FLI1: variants seen among roughly 807,000 people sequenced by gnomAD.
FLI1 encodes the protein Friend leukemia integration 1 transcription factor.
In FLI1, 13 loss-of-function variants were observed where a neutral mutation model predicts 53.1. That is an observed-to-expected ratio of 0.24 (90% CI 0.16 to 0.39). The LOEUF is 0.39. Ranked by LOEUF, FLI1 falls within the 10% of genes least tolerant of loss-of-function variation. The pLI is 1.00. For missense variants in FLI1, 424 were observed against 600.5 expected (o/e 0.71, Z 3.07); for synonymous variants, 244 against 236.7 (o/e 1.03, Z -0.28).
intron 5 of FLI1, among the ~76,000 whole-genome samples, chr11:128,802,169 T>C (rs1591386671): frequency 6.6e-6 from 1 of 152,244 alleles, no homozygotes; most frequent in African/African-American, 2.4e-5. Context: ...TGGTTCTTCA[T>C]ACCCCTAGGG....
upstream of FLI1, among the ~76,000 whole-genome samples, chr11:128,685,850 G>C (rs1271322392): frequency 6.6e-6 from 1 of 151,750 alleles, no homozygotes; most frequent in East Asian, 1.9e-4. Context: ...GAAGAGGAGA[G>C]ATACGGCCGC....
intron 2 of FLI1, among the ~76,000 whole-genome samples, chr11:128,767,044 A>G (rs974462821): frequency 2.6e-5 from 4 of 151,624 alleles, no homozygotes; most frequent in African/African-American, 7.3e-5. Flanking sequence ...ACCTCCCCCA[A>G]GTATGCTGGA....
chr11:128,752,301 C>T lies in FLI1; in HGVS notation c.19-5814C>T, dbSNP rs937243623. Among the ~76,000 whole-genome samples the T allele has an allele frequency of 3.9e-5, 6 of 152,306 alleles. 1 individual carries two copies. The highest frequency in any genetic ancestry group is 1.4e-4 in the African/African-American group (6 of 41,560). On this transcript the variant is annotated intron_variant, in intron 1 of 8. Transcript: ENST00000527786. ...ACATTTTTAAGTATTTACTTTGTCC[C>T]AAGAACTTCAGGTGCTTGATTTAGG...
At chr11:128,782,078 G>C in intron 5 of FLI1, 55 bp downstream of exon 5, 2 of 1,370,502 alleles carry the variant, frequency 1.5e-6, no homozygotes, top group Non-Finnish European at 2.1e-6. Flanking sequence ...ACATGACACA[G>C]GCCCATGCTG....
At chr11:128,699,233 G>A (rs776161080) in intron 1 of FLI1, among the ~76,000 whole-genome samples, 2 of 152,092 alleles carry the variant, frequency 1.3e-5, no homozygotes, top group African/African-American at 2.4e-5. Flanking sequence ...CTTGGCATTT[G>A]TTTAAAAAAC....
chr11:128,721,890 A>G (rs1332339038), intron 1 of FLI1, among the ~76,000 whole-genome samples: 2 of 152,098 alleles, frequency 1.3e-5, no homozygotes, highest in African/African-American at 4.8e-5. Context: ...GCCAGGTATT[A>G]ATTTGAGGGA....
chr11:128,790,169 T>G (rs916373002), intron 5 of FLI1, among the ~76,000 whole-genome samples: 1 of 152,032 alleles, frequency 6.6e-6, no homozygotes. Context: ...CTCTCTCTAT[T>G]TTATTTTTTA....
chr11:128,739,081 T>A (rs1940023039), intron 1 of FLI1, among the ~76,000 whole-genome samples: 1 of 152,186 alleles, frequency 6.6e-6, no homozygotes, highest in Non-Finnish European at 1.5e-5. Flanking sequence ...ACTCGATGTT[T>A]ATCAGCACTT....
rs960910314 is a variant in FLI1 at position 128,704,512 on chromosome 11, G to A, written c.18+10236G>A. On this transcript the variant is annotated intron_variant, in intron 1 of 8. Coordinates refer to ENST00000527786, the MANE Select transcript of FLI1 (RefSeq NM_002017.5). ...CTCTTTGGCTCCAAGCGTCTTTCCC[G>A]TGGCCTTTAAAAAAATCCTGTTTAA... 3.3e-5 allele frequency among the ~76,000 whole-genome samples: 5 copies of A among 152,152 alleles called. No homozygotes were observed. The South Asian group carries it at 6.2e-4, about 19-fold the overall frequency.
chr11:128,723,088 A>G (rs896360664), intron 1 of FLI1, among the ~76,000 whole-genome samples: 18 of 152,052 alleles, frequency 1.2e-4, no homozygotes, highest in African/African-American at 3.4e-4. Context: ...TTATTAGGGT[A>G]CTAATCCCGC....
intron 8 of FLI1, among the ~76,000 whole-genome samples, chr11:128,809,983 T>A (rs1942896445): frequency 6.6e-6 from 1 of 152,100 alleles, no homozygotes. Context: ...AAGCTAAAGC[T>A]CATGGCGCAG....
At chr11:128,806,962 AGTT>A (rs1353043147) in intron 6 of FLI1, 2 of 394,534 alleles carry the variant, frequency 5.1e-6, no homozygotes, top group African/African-American at 4.1e-5. Flanking sequence ...TTGGAATGCG[AGTT>A]CTACCAGGAA....
intron 5 of FLI1, among the ~76,000 whole-genome samples, chr11:128,800,435 G>A (rs1464536757): frequency 3.3e-5 from 5 of 152,170 alleles, no homozygotes; most frequent in African/African-American, 7.2e-5. Flanking sequence ...AAGGTGGAGC[G>A]CTGCATGCCG....
chr11:128,802,914 AGCC>A (rs1351978377), intron 5 of FLI1, among the ~76,000 whole-genome samples: 4 of 152,236 alleles, frequency 2.6e-5, no homozygotes, highest in Non-Finnish European at 5.9e-5. Context: ...TAGGGAGAAA[AGCC>A]GATAAGAAGT....
chr11:128,773,080 A>G, intron 4 of FLI1, 95 bp downstream of exon 4: 3 of 1,165,060 alleles, frequency 2.6e-6, no homozygotes, highest in Middle Eastern at 2.6e-4. Context: ...TGTTGGGCAG[A>G]TGCCGCCGGA....
At chr11:128,769,001 C>G (rs779636847) in intron 3 of FLI1, among the ~76,000 whole-genome samples, 35 of 152,236 alleles carry the variant, frequency 2.3e-4, no homozygotes, top group Non-Finnish European at 4.3e-4. Context: ...CCAGGTTCCA[C>G]CTTTCCAAAA....
intron 1 of FLI1, among the ~76,000 whole-genome samples, chr11:128,750,221 G>C (rs1263035312): frequency 6.6e-6 from 1 of 152,198 alleles, no homozygotes; most frequent in Admixed American, 6.5e-5. Flanking sequence ...AGGGAACTTG[G>C]TCTGGTTGCT....
At chr11:128,685,988 C>T (rs1280635191), upstream of FLI1, 1 of 203,444 alleles carries the variant, frequency 4.9e-6, no homozygotes, top group East Asian at 1.3e-4. Context: ...AAATGAGGAC[C>T]TGACAGTCAT....
chr11:128,778,407 G>A (rs1941810730), intron 4 of FLI1, among the ~76,000 whole-genome samples: 2 of 152,136 alleles, frequency 1.3e-5, no homozygotes, highest in Admixed American at 6.5e-5. Flanking sequence ...CTGCTTCCCA[G>A]CCCCATAGGT....
Sources: allele counts gnomAD v4.1 joint callset (sites outside exome capture counted in the v4.1 genomes callset), GRCh38; gene constraint gnomAD v4.1.1; transcripts MANE v1.5; gene names NCBI Gene and HGNC (gene_info 2026-07-23, HGNC 2026-07-21).